The following CHCHD3 variants were observed in gnomAD, a reference collection of about 807,000 sequenced individuals.
The protein encoded by CHCHD3 is coiled-coil-helix-coiled-coil-helix domain containing 3.
In CHCHD3, 20 loss-of-function variants were observed where a neutral mutation model predicts 38.2. That is an observed-to-expected ratio of 0.52 (90% CI 0.37 to 0.76). CHCHD3 has a LOEUF of 0.76. CHCHD3 is among the 30% of genes least tolerant of loss of function. CHCHD3 has a pLI of 0.00. For synonymous variants in CHCHD3, 82 were observed against 100.0 expected (o/e 0.82, Z 1.07); for missense variants, 245 against 279.2 (o/e 0.88, Z 0.87).
chr7:132,871,045 C>T lies in CHCHD3; in HGVS notation c.453+14617G>A, dbSNP rs886171944. ...AATATCAGCAGTCTTGTTTTATTGT[C>T]TGGCAAGACTTGAAGCACAGAATTT... On this transcript the variant is annotated intron_variant, in intron 5 of 7. Transcript: ENST00000262570. Among the ~76,000 whole-genome samples, 11 of 152,112 alleles carry T rather than the reference C, an allele frequency of 7.2e-5. 1 individual carries two copies. Among genetic ancestry groups the T allele is most frequent in the Admixed American group, 7.2e-4 (11 of 15,266 alleles).
chr7:132,984,711 C>T (rs931657507), intron 3 of CHCHD3, among the ~76,000 whole-genome samples: 2 of 150,810 alleles, frequency 1.3e-5, no homozygotes, highest in East Asian at 2.0e-4. Flanking sequence ...TCTGCCCGGC[C>T]GCTCCGTCTG....
chr7:133,008,971 A>C (rs762549913), intron 3 of CHCHD3, among the ~76,000 whole-genome samples: 4 of 51,904 alleles, frequency 7.7e-5, no homozygotes, highest in African/African-American at 9.4e-5. Flanking sequence ...AAAAAAGACC[A>C]AAAAAAAAAA....
chr7:132,918,137 A>G (rs1031749198), intron 4 of CHCHD3, among the ~76,000 whole-genome samples: 1 of 152,186 alleles, frequency 6.6e-6, no homozygotes, highest in African/African-American at 2.4e-5. Flanking sequence ...AGTGATTCAT[A>G]ATGAGTTAAG....
intron 4 of CHCHD3, among the ~76,000 whole-genome samples, chr7:132,941,641 T>C (rs958880424): frequency 9.2e-5 from 14 of 152,114 alleles, no homozygotes; most frequent in African/African-American, 2.4e-4. Context: ...CACAATACCG[T>C]TGGGTTTTAA....
chr7:132,984,774 C>A (rs897641102), intron 3 of CHCHD3, among the ~76,000 whole-genome samples: 15 of 145,590 alleles, frequency 1.0e-4, no homozygotes, highest in Admixed American at 1.0e-3. Context: ...AAGTGAGGAG[C>A]CCCTCCGCCC....
At chr7:133,012,152 T>C (rs969928409) in intron 3 of CHCHD3, among the ~76,000 whole-genome samples, 1 of 152,100 alleles carries the variant, frequency 6.6e-6, no homozygotes, top group Admixed American at 6.6e-5. Flanking sequence ...GGCAAACCTA[T>C]GTAGGGCTAA....
chr7:132,897,516 A>G (rs1809530718), intron 4 of CHCHD3, among the ~76,000 whole-genome samples: 1 of 152,204 alleles, frequency 6.6e-6, no homozygotes, highest in African/African-American at 2.4e-5. Context: ...CGAGGCTCCA[A>G]GCTCTTTGTC....
intron 4 of CHCHD3, among the ~76,000 whole-genome samples, chr7:132,913,965 T>C (rs1377696948): frequency 6.7e-6 from 1 of 149,088 alleles, no homozygotes; most frequent in Non-Finnish European, 1.5e-5. Context: ...TTTTTTTTTT[T>C]TTTTGAGATG....
intron 3 of CHCHD3, among the ~76,000 whole-genome samples, chr7:133,019,350 A>G (rs1197560654): frequency 6.6e-6 from 1 of 152,196 alleles, no homozygotes; most frequent in African/African-American, 2.4e-5. Context: ...AAATTATCAT[A>G]TATAATGAAC....
chr7:132,986,372 C>T (rs1468523188), intron 3 of CHCHD3, among the ~76,000 whole-genome samples: 4 of 138,308 alleles, frequency 2.9e-5, no homozygotes, highest in Non-Finnish European at 4.6e-5. Flanking sequence ...TCCCCCTCTG[C>T]GAGAAACACC....
At chr7:132,816,777 C>A (rs1458242972) in intron 6 of CHCHD3, among the ~76,000 whole-genome samples, 2 of 152,176 alleles carry the variant, frequency 1.3e-5, no homozygotes, top group African/African-American at 4.8e-5. Flanking sequence ...TGGGCCAGGG[C>A]CATATTCTGC....
rs1420747655 is a variant in CHCHD3, at chr7:132,852,833, CT to C, written c.454-14365del. 2.6e-5 allele frequency among the ~76,000 whole-genome samples: 4 copies of C among 152,248 alleles called. No individual in the cohort carries two copies. The East Asian group carries it at 7.7e-4, about 29-fold the overall frequency. ...CCTTCCTCCCACTTTTGCCTAGAAC[CT>C]GACTTTTTAAAATAAGATTGCATCA... is the stretch of plus-strand genomic sequence containing the variant. On this transcript the variant is annotated intron_variant, in intron 5 of 7. Transcript: ENST00000262570.
At chr7:132,829,453 A>AAGAC (rs1807585377) in intron 6 of CHCHD3, among the ~76,000 whole-genome samples, 2 of 152,170 alleles carry the variant, frequency 1.3e-5, no homozygotes, top group African/African-American at 4.8e-5. Flanking sequence ...CCTGCTGGGG[A>AAGAC]AGACAGAATG....
chr7:132,812,702 T>A (rs1489250902), intron 6 of CHCHD3, among the ~76,000 whole-genome samples: 1 of 152,130 alleles, frequency 6.6e-6, no homozygotes, highest in East Asian at 1.9e-4. Context: ...AAATCTGGTC[T>A]CACAACTTCT....
chr7:132,955,176 GTGTGTGTGTGTGTGT>G (rs1811131121), intron 4 of CHCHD3, among the ~76,000 whole-genome samples: 2 of 139,478 alleles, frequency 1.4e-5, no homozygotes, highest in African/African-American at 3.1e-5. Flanking sequence ...CTCAGAGGGT[GTGTGTGTGTGTGTGT>G]GTGTGTGTGT....
At chr7:133,049,081 C>A (rs1814073830) in intron 2 of CHCHD3, among the ~76,000 whole-genome samples, 1 of 152,166 alleles carries the variant, frequency 6.6e-6, no homozygotes, top group African/African-American at 2.4e-5. Context: ...CCCAAACTTC[C>A]CAATTAACAT....
At chr7:132,874,502 G>A (rs1200848906) in intron 5 of CHCHD3, among the ~76,000 whole-genome samples, 1 of 152,154 alleles carries the variant, frequency 6.6e-6, no homozygotes, top group Admixed American at 6.5e-5. Context: ...ACACTTGCGG[G>A]AAGATTTGTA....
In CHCHD3 at chr7:132,805,367, G is replaced by A. The variant is rs566366616; in HGVS notation, c.525-8790C>T. Among the ~76,000 whole-genome samples the A allele has an allele frequency of 2.6e-5, 4 of 152,146 alleles. No homozygotes were observed. The East Asian group carries it at 7.7e-4, about 29-fold the overall frequency. Reference sequence around the variant, plus strand: ...GGGTTCCAAGGAAGAGAGGAGATGGGACTTTAAAAATCCCACAGAGTGAAG... The same window carrying A: ...GGGTTCCAAGGAAGAGAGGAGATGGAACTTTAAAAATCCCACAGAGTGAAG... On this transcript the variant is annotated intron_variant, in intron 6 of 7. Coordinates refer to ENST00000262570, the MANE Select transcript of CHCHD3 (RefSeq NM_017812.4).
intron 5 of CHCHD3, among the ~76,000 whole-genome samples, chr7:132,860,316 A>AAGAGAGAG (rs60747145): frequency 1.7e-4 from 23 of 134,720 alleles, no homozygotes; most frequent in East Asian, 4.0e-4. Flanking sequence ...GAGAGAGAGA[A>AAGAGAGAG]AGAGAGAGAG....
Sources: allele counts gnomAD v4.1 joint callset (sites outside exome capture counted in the v4.1 genomes callset), GRCh38; gene constraint gnomAD v4.1.1; transcripts MANE v1.5; gene names NCBI Gene and HGNC (gene_info 2026-07-23, HGNC 2026-07-21).